Variants in APBA1 observed in about 807,000 individuals in gnomAD.
APBA1 encodes the protein amyloid beta precursor protein binding family A member 1, also known as amyloid-beta A4 precursor protein-binding family A member 1.
Under a neutral mutation model 86.6 loss-of-function variants are expected in APBA1, and 55 were observed. The observed-to-expected ratio is 0.64, with a 90% CI of 0.51 to 0.80. The LOEUF (loss-of-function observed/expected upper bound fraction) is 0.80. APBA1 is among the 30% of genes least tolerant of loss of function. The probability of loss-of-function intolerance (pLI) is 0.00; values close to 1 mark genes in which losing one functional copy is unlikely to be tolerated. For synonymous variants in APBA1, 511 were observed against 493.9 expected (o/e 1.03, Z -0.46); for missense variants, 1,090 against 1,183.0 (o/e 0.92, Z 1.15).
intron 1 of APBA1, among the ~76,000 whole-genome samples, chr9:69,632,191 G>A (rs1238622646): frequency 6.6e-6 from 1 of 152,122 alleles, no homozygotes; most frequent in Admixed American, 6.6e-5. Context: ...TGGAGTCACT[G>A]TTAATGACCC....
intron 10 of APBA1, among the ~76,000 whole-genome samples, chr9:69,443,210 A>G (rs1176774963): frequency 6.6e-6 from 1 of 152,138 alleles, no homozygotes; most frequent in African/African-American, 2.4e-5. Context: ...GAATCAGAAA[A>G]CCTAGGGGTG....
intron 1 of APBA1, among the ~76,000 whole-genome samples, chr9:69,586,185 AGG>A (rs1456054251): frequency 5.3e-5 from 8 of 152,194 alleles, no homozygotes; most frequent in African/African-American, 1.9e-4. Flanking sequence ...GTATGCTTCT[AGG>A]GCTTGGCCTT....
chr9:69,550,333 A>C (rs1233939245), intron 1 of APBA1, among the ~76,000 whole-genome samples: 1 of 152,148 alleles, frequency 6.6e-6, no homozygotes, highest in Admixed American at 6.5e-5. Flanking sequence ...CTTTCCTTTT[A>C]AATGCTCTCT....
At chr9:69,470,988 G>A (rs1387442738) in intron 4 of APBA1, among the ~76,000 whole-genome samples, 1 of 152,186 alleles carries the variant, frequency 6.6e-6, no homozygotes, top group Admixed American at 6.5e-5. Flanking sequence ...CCGGTTTCCA[G>A]AGAGAAGTAT....
At chr9:69,474,937 G>A (rs1835418930) in intron 3 of APBA1, among the ~76,000 whole-genome samples, 1 of 152,112 alleles carries the variant, frequency 6.6e-6, no homozygotes. Context: ...AGCAAAATGA[G>A]GGAAAAGGAA....
chr9:69,471,671 G>A lies in APBA1; in HGVS notation c.1321C>T (p.Pro441Ser). The A allele has an allele frequency of 6.2e-7, 1 of 1,613,554 alleles. No individual in the cohort carries two copies. Among genetic ancestry groups the A allele is most frequent in the South Asian group, 1.1e-5 (1 of 91,052 alleles). Residue 441 changes from proline (P) to serine (S), a missense_variant, in exon 4 of 13, where the codon CCA (proline) becomes TCA (serine). By Grantham distance (74) the Pro-to-Ser change is moderately conservative. This residue lies in a region of APBA1 where 76 missense variants were observed against 122.2 expected (regional missense o/e 0.62). Transcript: ENST00000265381. ...KESRKSLASF[P>S]TYVEVPGPCD... ...CAGCTCTTACCTTCAACGTAGGTTG[G>A]GAATGAAGCCAAGCTTTTTCTTGAC...
intron 1 of APBA1, among the ~76,000 whole-genome samples, chr9:69,663,466 C>T (rs1823789563): frequency 6.6e-6 from 1 of 152,202 alleles, no homozygotes; most frequent in African/African-American, 2.4e-5. Flanking sequence ...CCTTAAATGA[C>T]TCTAAGCTCG....
intron 11 of APBA1, among the ~76,000 whole-genome samples, chr9:69,435,864 C>G (rs1588281045): frequency 6.6e-6 from 1 of 152,292 alleles, no homozygotes; most frequent in East Asian, 1.9e-4. Context: ...GAAGTACTTG[C>G]CCATGCCTAT....
intron 1 of APBA1, among the ~76,000 whole-genome samples, chr9:69,550,062 T>C (rs1836760941): frequency 6.6e-6 from 1 of 152,254 alleles, no homozygotes; most frequent in African/African-American, 2.4e-5. Context: ...ATGATTGTTA[T>C]GAGGTCTAAA....
chr9:69,656,839 CT>C lies in APBA1; in HGVS notation c.-70+15313del, dbSNP rs55751456. 9.9e-4 allele frequency among the ~76,000 whole-genome samples: 133 copies of C among 134,712 alleles called. 1 individual carries two copies. Among genetic ancestry groups the C allele is most frequent in the African/African-American group, 2.0e-3 (74 of 36,388 alleles). The allele number at this position is 134,712 out of a possible 152,430, so 88.4% of individuals were successfully genotyped here. A position where few individuals can be genotyped will look rare whatever the true frequency, so the allele number is the denominator to read the frequency against. On this transcript the variant is annotated intron_variant, in intron 1 of 12. Transcript: ENST00000265381. ...CACCACTTAAGAATAACCGGGAGAT[CT>C]TTTTTTTTTTTTTTTTGAGACGGAG...
At chr9:69,597,772 C>G (rs1363838386) in intron 1 of APBA1, among the ~76,000 whole-genome samples, 1 of 152,206 alleles carries the variant, frequency 6.6e-6, no homozygotes, top group Non-Finnish European at 1.5e-5. Flanking sequence ...AATAGGGAAT[C>G]CTTTCCGCAT....
intron 3 of APBA1, among the ~76,000 whole-genome samples, chr9:69,472,087 T>C (rs2133833945): frequency 6.6e-6 from 1 of 152,310 alleles, no homozygotes; most frequent in African/African-American, 2.4e-5. Context: ...AATTAAGAAT[T>C]CTCTCAGAGA....
intron 1 of APBA1, among the ~76,000 whole-genome samples, chr9:69,640,446 T>C (rs1823264291): frequency 6.6e-6 from 1 of 151,906 alleles, no homozygotes; most frequent in African/African-American, 2.4e-5. Context: ...AATAATACGT[T>C]CACATTTGGA....
At position 69,429,502 on chromosome 9, in the gene APBA1, C is replaced by A. The variant is rs1009392692; in HGVS notation, c.*1825G>T. The A allele has an allele frequency of 6.6e-6, 1 of 152,460 alleles. No individual in the cohort carries two copies. Among genetic ancestry groups the A allele is most frequent in the Non-Finnish European group, 1.5e-5 (1 of 68,120 alleles). 9.4% of individuals were successfully genotyped at this position (152,460 alleles called of 1,614,324 possible). On this transcript the variant is annotated 3_prime_UTR_variant, in exon 13 of 13. Coordinates refer to ENST00000265381, the MANE Select transcript of APBA1 (RefSeq NM_001163.4). ...CTTTCCCCCCAGGGCACCTGGGCAG[C>A]CAGCGGCCTCCCTTCCTCAGGGCTC...
intron 1 of APBA1, among the ~76,000 whole-genome samples, chr9:69,547,248 A>G (rs1329651578): frequency 6.6e-6 from 1 of 152,168 alleles, no homozygotes. Flanking sequence ...ACTGTTACGG[A>G]ACAACTCAGC....
intron 2 of APBA1, among the ~76,000 whole-genome samples, chr9:69,515,127 T>C (rs1836114253): frequency 6.6e-6 from 1 of 152,134 alleles, no homozygotes; most frequent in South Asian, 2.1e-4. Flanking sequence ...AATGAAGAAA[T>C]ACCCCCAACC....
At chr9:69,501,234 G>T (rs890217903) in intron 2 of APBA1, among the ~76,000 whole-genome samples, 5 of 152,144 alleles carry the variant, frequency 3.3e-5, no homozygotes, top group African/African-American at 4.8e-5. Context: ...CCGCTCTTAA[G>T]AAAGCAGTCA....
intron 1 of APBA1, among the ~76,000 whole-genome samples, chr9:69,564,415 G>T (rs1836993785): frequency 6.6e-6 from 1 of 152,076 alleles, no homozygotes; most frequent in African/African-American, 2.4e-5. Flanking sequence ...CATTTTCACA[G>T]GTTATTTTCA....
intron 1 of APBA1, among the ~76,000 whole-genome samples, chr9:69,542,749 C>A (rs147356044): frequency 1.3e-5 from 2 of 152,146 alleles, no homozygotes; most frequent in Non-Finnish European, 2.9e-5. Context: ...ATGTTTAATG[C>A]CCCCTTTTAT....
Sources: gnomAD v4.1 joint callset for allele counts (sites outside exome capture counted in the v4.1 genomes callset) on GRCh38, gnomAD v4.1.1 for gene constraint, gnomAD v4.1.1 regional missense constraint, MANE v1.5 for transcripts, NCBI Gene and HGNC (gene_info 2026-07-23, HGNC 2026-07-21) for gene names.